ABCA13: variants seen among roughly 807,000 people sequenced by gnomAD.
ABCA13 encodes ATP binding cassette subfamily A member 13.
In ABCA13, 476 loss-of-function variants were observed where a neutral mutation model predicts 478.7. The observed-to-expected ratio is 0.99, with a 90% CI of 0.92 to 1.07. The LOEUF (loss-of-function observed/expected upper bound fraction) is 1.07. Among genes scored for constraint, ABCA13 ranks in the 50% least tolerant of loss-of-function variants. The pLI is 0.00. For missense variants in ABCA13, 6,060 were observed against 5,910.6 expected (o/e 1.03, Z -0.83); for synonymous variants, 2,252 against 2,158.9 (o/e 1.04, Z -1.20).
At chr7:48,463,829 A>T (rs1826560365) in intron 43 of ABCA13, among the ~76,000 whole-genome samples, 1 of 152,070 alleles carries the variant, frequency 6.6e-6, no homozygotes, top group Non-Finnish European at 1.5e-5. Context: ...AACTGAACGG[A>T]ACGGAACGGA....
At chr7:48,537,232 T>G (rs1833643504) in intron 55 of ABCA13, among the ~76,000 whole-genome samples, 1 of 152,228 alleles carries the variant, frequency 6.6e-6, no homozygotes, top group African/African-American at 2.4e-5. Flanking sequence ...ATTTCTAACT[T>G]TTTGATTTAA....
chr7:48,297,415 T>C, intron 22 of ABCA13, 104 bp downstream of exon 22: 3 of 1,115,394 alleles, frequency 2.7e-6, no homozygotes, highest in Non-Finnish European at 3.9e-6. Context: ...TTATGCTATA[T>C]GTGATACATA....
Position 48,552,408 on chromosome 7 carries a change from G to A in ABCA13, c.14354+24063G>A, listed in dbSNP as rs1055982188. ...AATGTAAACTTTTTATTAAGTTGATGTTGATCAACAGCAATGGACAGTAGA... is the reference window on the plus strand; with the variant it reads ...AATGTAAACTTTTTATTAAGTTGATATTGATCAACAGCAATGGACAGTAGA... On this transcript the variant is annotated intron_variant, in intron 55 of 61. Coordinates refer to ENST00000435803, the MANE Select transcript of ABCA13 (RefSeq NM_152701.5). 8.8e-4 allele frequency among the ~76,000 whole-genome samples: 134 copies of A among 151,854 alleles called. 2 individuals are homozygous for A. Among genetic ancestry groups the A allele is most frequent in the African/African-American group, 3.1e-3 (128 of 41,500 alleles).
At chr7:48,333,662 A>G (rs896882593) in intron 27 of ABCA13, among the ~76,000 whole-genome samples, 2 of 152,112 alleles carry the variant, frequency 1.3e-5, no homozygotes, top group Admixed American at 6.5e-5. Flanking sequence ...TAAGAGTTTA[A>G]TTTTGGTTTA....
At chr7:48,606,808 A>T (rs1361109457) in intron 58 of ABCA13, among the ~76,000 whole-genome samples, 1 of 152,068 alleles carries the variant, frequency 6.6e-6, no homozygotes. Context: ...CTGAAGCTGC[A>T]CCCCCAACCA....
intron 1 of ABCA13, among the ~76,000 whole-genome samples, chr7:48,182,120 C>T (rs1351490193): frequency 6.6e-6 from 1 of 152,106 alleles, no homozygotes; most frequent in Admixed American, 6.5e-5. Context: ...AAAAGCACAA[C>T]GTCCTAAGTC....
At chr7:48,327,532 A>G (rs1157793256) in intron 27 of ABCA13, among the ~76,000 whole-genome samples, 2 of 152,214 alleles carry the variant, frequency 1.3e-5, no homozygotes, top group African/African-American at 4.8e-5. Context: ...TTTACTTCTC[A>G]CAAGAACCCC....
intron 29 of ABCA13, among the ~76,000 whole-genome samples, chr7:48,343,721 T>C (rs1461059138): frequency 1.3e-5 from 2 of 152,130 alleles, no homozygotes; most frequent in Non-Finnish European, 2.9e-5. Context: ...ACCCAATGTG[T>C]AGACTTTTTT....
chr7:48,367,680 T>A, intron 31 of ABCA13, 114 bp from the exon 32 acceptor site: 5 of 784,108 alleles, frequency 6.4e-6, no homozygotes, highest in Non-Finnish European at 1.1e-5. Context: ...CATGTAGAAA[T>A]GACCAAAGGA....
Position 48,272,725 on chromosome 7 carries a change from T to A in ABCA13, c.3059T>A (p.Val1020Asp). 6.2e-7 allele frequency: 1 copy of A among 1,610,696 alleles called. No individual in the cohort carries two copies. The highest frequency in any genetic ancestry group is 1.1e-5 in the South Asian group (1 of 90,728). ...AFAFLFKTAE[V>D]LGGISNVSYC... ...GCATTTTTATTTAAGACAGCAGAGG[T>A]TCTTGGGGGAATTTCTAATGTATCT... The change falls in exon 17 of 62, where the codon GTT (valine) becomes GAT (aspartate). Residue 1020 changes from valine to aspartate, a missense_variant. Around this residue, in one of 3 missense-constraint regions of ABCA13, gnomAD observed 4,423 missense variants for 4,309.1 expected, o/e 1.03. Coordinates refer to ENST00000435803, the MANE Select transcript of ABCA13 (RefSeq NM_152701.5).
chr7:48,382,427 C>G (rs1215552368), intron 35 of ABCA13, among the ~76,000 whole-genome samples: 1 of 152,286 alleles, frequency 6.6e-6, no homozygotes, highest in South Asian at 2.1e-4. Flanking sequence ...TCTCTATTCC[C>G]GTTGTGCTGA....
chr7:48,287,107 G>C (rs1351462440), intron 19 of ABCA13, among the ~76,000 whole-genome samples: 1 of 152,138 alleles, frequency 6.6e-6, no homozygotes, highest in African/African-American at 2.4e-5. Context: ...GCCTGGGAAA[G>C]GTGGGTGTCT....
chr7:48,644,658 A>T lies in ABCA13; in HGVS notation c.14985A>T (p.Arg4995Ser). The T allele has an allele frequency of 6.2e-7, 1 of 1,607,904 alleles. No individual in the cohort carries two copies. Among genetic ancestry groups the T allele is most frequent in the Non-Finnish European group, 8.5e-7 (1 of 1,177,894 alleles). Residue 4995 changes from arginine (R) to serine (S), a missense_variant, in exon 61 of 62, where the codon AGA becomes AGT. Physicochemically the swap from Arg to Ser is moderately radical, Grantham distance 110. Coordinates refer to ENST00000435803, the MANE Select transcript of ABCA13 (RefSeq NM_152701.5). ...TATTAGAATATCATGTGCCAAAAAG[A>T]TGGGGATGCCTAGCTGACTTGTTCA... is the stretch of plus-strand genomic sequence containing the variant. ...LNLLEYHVPK[R>S]WGCLADLFKV...
At chr7:48,560,243 C>A (rs1786312348) in intron 55 of ABCA13, among the ~76,000 whole-genome samples, 1 of 152,258 alleles carries the variant, frequency 6.6e-6, no homozygotes, top group African/African-American at 2.4e-5. Flanking sequence ...CAAATGCTAC[C>A]TCCATGTGTG....
At chr7:48,506,580 G>C (rs1831229840) in intron 49 of ABCA13, among the ~76,000 whole-genome samples, 190 bp downstream of exon 49, 1 of 152,210 alleles carries the variant, frequency 6.6e-6, no homozygotes, top group Admixed American at 6.5e-5. Context: ...AAGAGAGTCA[G>C]TACATTGACT....
chr7:48,356,921 T>C (rs1049333605), intron 31 of ABCA13, among the ~76,000 whole-genome samples: 5 of 151,952 alleles, frequency 3.3e-5, no homozygotes, highest in Non-Finnish European at 1.5e-5. Context: ...CACAACAATA[T>C]CCTGGGATTG....
At chr7:48,365,718 G>A (rs915993090) in intron 31 of ABCA13, among the ~76,000 whole-genome samples, 1 of 152,104 alleles carries the variant, frequency 6.6e-6, no homozygotes, top group Non-Finnish European at 1.5e-5. Flanking sequence ...TTGAAAATGT[G>A]TTGGCTACAA....
intron 42 of ABCA13, among the ~76,000 whole-genome samples, chr7:48,434,694 A>G (rs1822588821): frequency 6.6e-6 from 1 of 151,906 alleles, no homozygotes; most frequent in African/African-American, 2.4e-5. Flanking sequence ...TATACTGTGT[A>G]TGGTAGGTGT....
Position 48,273,277 on chromosome 7 carries a change from A to T in ABCA13, c.3611A>T (p.Asn1204Ile), listed in dbSNP as rs1270152042. 1.2e-6 allele frequency: 2 copies of T among 1,613,542 alleles called. No homozygotes were observed. The highest frequency in any genetic ancestry group is 2.7e-5 in the African/African-American group (2 of 74,904). Residue 1204 changes from asparagine to isoleucine, a missense_variant, in exon 17 of 62, where the codon AAT (asparagine) becomes ATT (isoleucine). By Grantham distance (149) the Asn-to-Ile change is moderately radical (BLOSUM62 -3). Around this residue, in one of 3 missense-constraint regions of ABCA13, gnomAD observed 4,423 missense variants for 4,309.1 expected, o/e 1.03. Transcript: ENST00000435803. ...KSCQGILPTHNVARLILNLFK... is the reference protein window; with the variant it reads ...KSCQGILPTHIVARLILNLFK... Reference sequence around the variant, plus strand: ...TGCCAGGGTATACTTCCCACCCATAATGTTGCTAGACTCATATTAAATTTG... The same window carrying T: ...TGCCAGGGTATACTTCCCACCCATATTGTTGCTAGACTCATATTAAATTTG...
Sources: allele counts gnomAD v4.1 joint callset (sites outside exome capture counted in the v4.1 genomes callset), GRCh38; gene constraint gnomAD v4.1.1; regional missense constraint gnomAD v4.1.1; transcripts MANE v1.5; gene names NCBI Gene and HGNC (gene_info 2026-07-23, HGNC 2026-07-21).